The following CNTNAP2 variants were observed in gnomAD, a reference collection of about 807,000 sequenced individuals.
The protein encoded by CNTNAP2 is contactin associated protein 2.
A neutral mutation model predicts 155.2 loss-of-function variants in CNTNAP2; 98 were observed. That is an observed-to-expected ratio of 0.63 (90% CI 0.54 to 0.75). The LOEUF is 0.75. CNTNAP2 is among the 30% of genes least tolerant of loss of function. The probability of loss-of-function intolerance (pLI) is 0.00; values close to 1 mark genes in which losing one functional copy is unlikely to be tolerated. For synonymous variants in CNTNAP2, 651 were observed against 631.2 expected (o/e 1.03, Z -0.47); for missense variants, 1,727 against 1,688.1 (o/e 1.02, Z -0.40).
intron 10 of CNTNAP2, among the ~76,000 whole-genome samples, chr7:147,398,300 T>G (rs1796853898): frequency 6.6e-6 from 1 of 152,056 alleles, no homozygotes; most frequent in African/African-American, 2.4e-5. Context: ...ATCTACAACT[T>G]TCTTTTCAGA....
At position 147,300,183 on chromosome 7, in the gene CNTNAP2, T is replaced by C; in HGVS notation, c.1391T>C (p.Leu464Pro). ...NDGQWHEVRF[L>P]AKENFAILTI... ...GGACAGTGGCACGAGGTTCGCTTCC[T>C]AGCCAAGGAAAATTTTGCTATTCTC... Residue 464 changes from leucine to proline, a missense_variant, in exon 9 of 24, where the codon CTA (leucine) becomes CCA (proline). Leu to Pro is a moderately conservative substitution (Grantham distance 98). Coordinates refer to ENST00000361727, the MANE Select transcript of CNTNAP2 (RefSeq NM_014141.6). 1 of 1,614,054 alleles carries C rather than the reference T, an allele frequency of 6.2e-7. No homozygotes were observed. The highest frequency in any genetic ancestry group is 8.5e-7 in the Non-Finnish European group (1 of 1,179,938).
chr7:148,118,495 C>G (rs1804525649), intron 16 of CNTNAP2, among the ~76,000 whole-genome samples: 1 of 152,152 alleles, frequency 6.6e-6, no homozygotes, highest in Non-Finnish European at 1.5e-5. Flanking sequence ...CAGGCACATC[C>G]AGATTCTCAA....
intron 9 of CNTNAP2, among the ~76,000 whole-genome samples, chr7:147,378,978 T>A (rs1796488176): frequency 2.0e-5 from 3 of 152,026 alleles, no homozygotes; most frequent in Admixed American, 2.0e-4. Flanking sequence ...ATGGCAGCAG[T>A]TCCCCCCATG....
intron 15 of CNTNAP2, among the ~76,000 whole-genome samples, chr7:148,109,190 C>T (rs569704781): frequency 8.5e-5 from 13 of 152,226 alleles, no homozygotes; most frequent in Middle Eastern, 3.4e-3. Context: ...TTGTTTTGTG[C>T]CTAGCACTCT....
chr7:146,632,688 ATAT>A (rs1215468235), intron 1 of CNTNAP2, among the ~76,000 whole-genome samples: 1 of 152,098 alleles, frequency 6.6e-6, no homozygotes, highest in Admixed American at 6.5e-5. Flanking sequence ...ATTATAAAAA[ATAT>A]TAGCCTATAT....
At chr7:146,191,752 G>C (rs887732166) in intron 1 of CNTNAP2, among the ~76,000 whole-genome samples, 2 of 152,144 alleles carry the variant, frequency 1.3e-5, no homozygotes, top group Non-Finnish European at 2.9e-5. Flanking sequence ...GAGAAGTATG[G>C]CTCTGTTCTG....
intron 1 of CNTNAP2, among the ~76,000 whole-genome samples, chr7:146,618,336 CAGTTA>C (rs767484710): frequency 1.1e-4 from 17 of 152,216 alleles, no homozygotes; most frequent in South Asian, 2.1e-4. Flanking sequence ...AACTACTCAC[CAGTTA>C]AGTTGAGACT....
chr7:147,351,878 C>T (rs1795973147), intron 9 of CNTNAP2, among the ~76,000 whole-genome samples: 2 of 151,972 alleles, frequency 1.3e-5, no homozygotes, highest in East Asian at 1.9e-4. Context: ...GGCAAATAGG[C>T]AAGTGATTAG....
intron 3 of CNTNAP2, among the ~76,000 whole-genome samples, chr7:146,868,149 T>A (rs939554464): frequency 6.6e-6 from 1 of 152,196 alleles, no homozygotes; most frequent in African/African-American, 2.4e-5. Context: ...GTTTATAGTT[T>A]TGGATTTTAC....
rs1327963784 is a variant in CNTNAP2, at chr7:146,465,731, A to G, written c.98-308540A>G. Among the ~76,000 whole-genome samples the G allele has an allele frequency of 2.6e-5, 4 of 152,162 alleles. No homozygotes were observed. In the East Asian group the frequency reaches 7.7e-4, roughly 29 times the overall value. ...TCTTGTTTCAGAGTACTAGAGATTG[A>G]TACGGCAGGATAGGTTATTATAGGA... On this transcript the variant is annotated intron_variant, in intron 1 of 23. Coordinates refer to ENST00000361727, the MANE Select transcript of CNTNAP2 (RefSeq NM_014141.6).
At chr7:146,241,342 A>T (rs1015758472) in intron 1 of CNTNAP2, among the ~76,000 whole-genome samples, 3 of 152,210 alleles carry the variant, frequency 2.0e-5, no homozygotes, top group Non-Finnish European at 4.4e-5. Context: ...CCTAGTGGAG[A>T]TACTGAGTCA....
intron 13 of CNTNAP2, among the ~76,000 whole-genome samples, chr7:147,816,070 G>T (rs559629195): frequency 6.6e-6 from 1 of 152,194 alleles, no homozygotes; most frequent in African/African-American, 2.4e-5. Context: ...AAAATGCAAC[G>T]ATCTGTTTCA....
chr7:146,532,687 G>A (rs555782781), intron 1 of CNTNAP2, among the ~76,000 whole-genome samples: 6 of 152,042 alleles, frequency 3.9e-5, no homozygotes, highest in South Asian at 2.1e-4. Flanking sequence ...CTTACTAACC[G>A]AAACTAAATG....
chr7:146,137,868 A>G (rs187051560), intron 1 of CNTNAP2, among the ~76,000 whole-genome samples: 1 of 152,042 alleles, frequency 6.6e-6, no homozygotes, highest in Admixed American at 6.6e-5. Context: ...AAACATGTAG[A>G]AAAGAATTAT....
chr7:148,146,116 G>A (rs1805171712), intron 16 of CNTNAP2, among the ~76,000 whole-genome samples: 1 of 152,038 alleles, frequency 6.6e-6, no homozygotes, highest in Non-Finnish European at 1.5e-5. Flanking sequence ...TTGTGACATC[G>A]TCTTAAAATG....
At chr7:147,886,685 GCACT>G (rs1301701042) in intron 13 of CNTNAP2, among the ~76,000 whole-genome samples, 1 of 151,930 alleles carries the variant, frequency 6.6e-6, no homozygotes, top group East Asian at 1.9e-4. Context: ...GGGACCTGAG[GCACT>G]ACATATCAGT....
intron 11 of CNTNAP2, among the ~76,000 whole-genome samples, chr7:147,506,262 G>A (rs1919187): frequency 0.11 from 16,547 of 152,086 alleles, 981 homozygotes; most frequent in Middle Eastern, 0.2. Context: ...TGTTCTGTTT[G>A]TTTTTTGTTC....
chr7:146,730,173 G>A (rs1410377904), intron 1 of CNTNAP2, among the ~76,000 whole-genome samples: 1 of 152,118 alleles, frequency 6.6e-6, no homozygotes, highest in Admixed American at 6.5e-5. Flanking sequence ...CTGAGACTTT[G>A]ATGATGAAAA....
intron 1 of CNTNAP2, among the ~76,000 whole-genome samples, chr7:146,275,629 C>G (rs1441421371): frequency 1.3e-5 from 2 of 152,108 alleles, no homozygotes; most frequent in Non-Finnish European, 2.9e-5. Flanking sequence ...GGCAAATTGG[C>G]TATAGATAAG....
Sources: gnomAD v4.1 joint callset for allele counts (sites outside exome capture counted in the v4.1 genomes callset) on GRCh38, gnomAD v4.1.1 for gene constraint, MANE v1.5 for transcripts, NCBI Gene and HGNC (gene_info 2026-07-23, HGNC 2026-07-21) for gene names.